The following DENND1A variants were observed in gnomAD, a reference collection of about 807,000 sequenced individuals.
DENND1A encodes DENN domain-containing protein 1A.
Under a neutral mutation model 113.7 loss-of-function variants are expected in DENND1A, and 51 were observed. The ratio of observed to expected loss-of-function variants is 0.45; its 90% CI spans 0.36 to 0.57. The LOEUF (loss-of-function observed/expected upper bound fraction) is 0.57. DENND1A is among the 20% of genes least tolerant of loss of function. The pLI, the probability that DENND1A is intolerant of heterozygous loss-of-function variation, is 0.00. For missense variants in DENND1A, 1,258 were observed against 1,395.9 expected, an observed-to-expected ratio of 0.90 and a Z score of 1.57; for synonymous variants, 565 against 570.8, an observed-to-expected ratio of 0.99 and a Z score of 0.14.
At chr9:123,486,137 T>A (rs1486555084) in intron 13 of DENND1A, among the ~76,000 whole-genome samples, 4 of 152,152 alleles carry the variant, frequency 2.6e-5, no homozygotes, top group Admixed American at 6.5e-5. Context: ...TCACAACCTC[T>A]CTGAGCCCTA....
chr9:123,746,279 C>T (rs74524716), intron 5 of DENND1A, among the ~76,000 whole-genome samples: 8,706 of 152,026 alleles, frequency 0.057, 314 homozygotes, highest in Admixed American at 0.097. Context: ...ATCTTTAGAA[C>T]AATATTCTGC....
At chr9:123,562,978 A>G (rs2057847661) in intron 12 of DENND1A, among the ~76,000 whole-genome samples, 1 of 152,210 alleles carries the variant, frequency 6.6e-6, no homozygotes, top group South Asian at 2.1e-4. Flanking sequence ...AGTGCTTGAC[A>G]TTGTGAAAGG....
chr9:123,381,965 G>C lies in DENND1A; in HGVS notation c.2680C>G (p.Pro894Ala). Reference protein sequence around the residue: ...PTPFPQPPLNPFVPSMPAAPP... With the variant: ...PTPFPQPPLNAFVPSMPAAPP... ...GCTGCTGGCATGGATGGGACAAAGG[G>C]GTTGAGTGGTGGCTGTGGGAATGGG... Residue 894 changes from proline (P) to alanine (A), a missense_variant, in exon 24 of 24, where the codon CCC becomes GCC. By Grantham distance (27) the Pro-to-Ala change is conservative. Around this residue, in one of 2 missense-constraint regions of DENND1A, gnomAD observed 1,159 missense variants for 1,231.7 expected, o/e 0.94. Transcript: ENST00000394215. This position sits in a 1 kb window ranked among gnomAD's most constrained non-coding sequence, Gnocchi z 4.7. 3 of 1,474,340 alleles carry C rather than the reference G, an allele frequency of 2.0e-6. No individual in the cohort carries two copies. The highest frequency in any genetic ancestry group is 2.3e-5 in the East Asian group (1 of 42,636). The allele number at this position is 1,474,340 out of a possible 1,614,324, so 91.3% of individuals were successfully genotyped here.
intron 21 of DENND1A, among the ~76,000 whole-genome samples, chr9:123,391,538 C>T (rs561325373): frequency 8.5e-5 from 13 of 152,110 alleles, no homozygotes; most frequent in East Asian, 1.9e-4. Flanking sequence ...TCAACCACTA[C>T]GGGATCTTGC....
At chr9:123,681,606 A>T (rs2064464443) in intron 5 of DENND1A, among the ~76,000 whole-genome samples, 1 of 152,186 alleles carries the variant, frequency 6.6e-6, no homozygotes, top group Non-Finnish European at 1.5e-5. Context: ...CCAGTTAGGG[A>T]AAGAATGAGA....
intron 12 of DENND1A, among the ~76,000 whole-genome samples, chr9:123,582,147 A>C (rs866540806): frequency 2.0e-5 from 3 of 152,174 alleles, no homozygotes; most frequent in Non-Finnish European, 2.9e-5. Flanking sequence ...ACCATGTTCT[A>C]GATGGTCTAG....
At chr9:123,922,501 G>A (rs10986136) in intron 1 of DENND1A, among the ~76,000 whole-genome samples, 11,014 of 152,178 alleles carry the variant, frequency 0.072, 630 homozygotes, top group African/African-American at 0.16. Flanking sequence ...GTTCCAATGC[G>A]TCATCTTGTA....
rs1323671315 is a variant in DENND1A, at chr9:123,671,226, A to C, written c.453+65T>G. ...TGACAAAATACAATCCTGTTCAGCT[A>C]GCTCCCTCTTACTGTCAATAATGAA... On this transcript the variant is annotated intron_variant, in intron 7 of 23. Coordinates refer to ENST00000394215, the MANE Select transcript of DENND1A (RefSeq NM_001352964.2). 1.9e-6 allele frequency: 3 copies of C among 1,582,256 alleles called. No homozygotes were observed. In the Admixed American group the frequency reaches 5.0e-5, roughly 26 times the overall value.
chr9:123,492,608 GTAATTGTACACTTTTT>G (rs1393002368), intron 13 of DENND1A: 1 of 152,216 alleles, frequency 6.6e-6, no homozygotes, highest in Admixed American at 6.5e-5. Context: ...TCTGTCAGGA[GTAATTGTACACTTTTT>G]TAAATACAAG....
chr9:123,830,024 A>G (rs906093336), intron 2 of DENND1A, among the ~76,000 whole-genome samples: 1 of 152,234 alleles, frequency 6.6e-6, no homozygotes, highest in Non-Finnish European at 1.5e-5. Flanking sequence ...ATTTATTCCA[A>G]TAACACAAAG....
Position 123,440,462 on chromosome 9 carries a change from G to A in DENND1A, c.1386C>T (p.Thr462=). The change falls in exon 19 of 24, where the codon ACC becomes ACT. Residue 462 remains threonine (T), a synonymous_variant. Coordinates refer to ENST00000394215, the MANE Select transcript of DENND1A (RefSeq NM_001352964.2). ...KDIAENGCAP[T]PEEQLPKTAP... ...CAGTCTTTGGCAGCTGCTCTTCTGGGGTGGGGGCGCAGCCATTCTCGGCAA... is the reference window on the plus strand; with the variant it reads ...CAGTCTTTGGCAGCTGCTCTTCTGGAGTGGGGGCGCAGCCATTCTCGGCAA... 6.4e-7 allele frequency: 1 copy of A among 1,572,352 alleles called. No homozygotes were observed. The highest frequency in any genetic ancestry group is 8.6e-7 in the Non-Finnish European group (1 of 1,167,082).
intron 5 of DENND1A, among the ~76,000 whole-genome samples, chr9:123,753,740 C>A (rs1258478534): frequency 6.6e-6 from 1 of 152,176 alleles, no homozygotes; most frequent in Non-Finnish European, 1.5e-5. Flanking sequence ...GCCTTTACCC[C>A]TGAAGAGTTG....
Position 123,381,417 on chromosome 9 carries a change from C to T in DENND1A, c.*15G>A. The T allele has an allele frequency of 6.2e-7, 1 of 1,611,644 alleles. No homozygotes were observed. Among genetic ancestry groups the T allele is most frequent in the Non-Finnish European group, 8.5e-7 (1 of 1,179,156 alleles). ...CCCTCGGGCCTCGGTGCATCCCCCACCCTCAGGGCCCGGCTCACTCGAAGG... is the reference window on the plus strand; with the variant it reads ...CCCTCGGGCCTCGGTGCATCCCCCATCCTCAGGGCCCGGCTCACTCGAAGG... On this transcript the variant is annotated 3_prime_UTR_variant, in exon 24 of 24. Transcript: ENST00000394215. The surrounding 1 kb of genome is among the most constrained non-coding windows in gnomAD (Gnocchi z 4.7).
At position 123,911,993 on chromosome 9, in the gene DENND1A, C is replaced by A. The variant is rs191962594; in HGVS notation, c.17+17896G>T. Among the ~76,000 whole-genome samples the A allele has an allele frequency of 8.2e-4, 124 of 152,086 alleles. 1 individual carries two copies. Among genetic ancestry groups the A allele is most frequent in the African/African-American group, 2.7e-3 (114 of 41,474 alleles). On this transcript the variant is annotated intron_variant, in intron 1 of 23. Transcript: ENST00000394215. ...ACAGGCTTGAGCCACCGTGCCCTGC[C>A]GTGATTATTTTTAAATAGGTATTGA...
rs376579494 is a variant in DENND1A, at chr9:123,900,572, G to A, written c.18-21551C>T. Among the ~76,000 whole-genome samples the A allele has an allele frequency of 1.7e-4, 26 of 152,320 alleles. No homozygotes were observed. In the East Asian group the frequency reaches 2.3e-3, roughly 14 times the overall value. On this transcript the variant is annotated intron_variant, in intron 1 of 23. Coordinates refer to ENST00000394215, the MANE Select transcript of DENND1A (RefSeq NM_001352964.2). The stretch of plus-strand genomic sequence containing the variant: ...GTTAAACAAGGGAATCTACACGTGT[G>A]ATTAAGGTGAGAGGTGAGGGGTGCT...
chr9:123,603,878 T>A (rs2060037062), intron 11 of DENND1A, among the ~76,000 whole-genome samples: 1 of 152,210 alleles, frequency 6.6e-6, no homozygotes, highest in Non-Finnish European at 1.5e-5. Flanking sequence ...CACTGACCCA[T>A]CTGAATTTTA....
chr9:123,511,045 A>G (rs1318718102), intron 13 of DENND1A, among the ~76,000 whole-genome samples: 1 of 152,210 alleles, frequency 6.6e-6, no homozygotes. Context: ...GCCCAGAAGC[A>G]GGCTGTGCAG....
At chr9:123,776,959 G>A (rs1021736923) in intron 3 of DENND1A, among the ~76,000 whole-genome samples, 6 of 152,196 alleles carry the variant, frequency 3.9e-5, no homozygotes, top group African/African-American at 1.4e-4. Flanking sequence ...AGTCCACACA[G>A]AATAGCAAAG....
intron 11 of DENND1A, among the ~76,000 whole-genome samples, chr9:123,599,853 T>C (rs2059866526): frequency 1.3e-5 from 2 of 152,202 alleles, no homozygotes; most frequent in Non-Finnish European, 1.5e-5. Context: ...AGAGGAAGTT[T>C]AATTTGGTTG....
Sources: gnomAD v4.1 joint callset for allele counts (sites outside exome capture counted in the v4.1 genomes callset) on GRCh38, gnomAD v4.1.1 for gene constraint, gnomAD v4.1.1 regional missense constraint, Gnocchi (gnomAD v3.1) non-coding constraint, MANE v1.5 for transcripts, NCBI Gene and HGNC (gene_info 2026-07-23, HGNC 2026-07-21) for gene names.